The following TUSC3 variants were observed in gnomAD, a reference collection of about 807,000 sequenced individuals.
TUSC3 encodes tumor suppressor candidate 3.
TUSC3 carries 45 observed loss-of-function variants against 44.8 expected under a neutral mutation model. That is an observed-to-expected ratio of 1.00 (90% CI 0.79 to 1.29). The LOEUF (loss-of-function observed/expected upper bound fraction) is 1.29, where lower values mean the gene tolerates loss of function less well. TUSC3 is among the 50% of genes most tolerant of loss of function. TUSC3 has a pLI of 0.00. For synonymous variants in TUSC3, 212 were observed against 152.9 expected, an observed-to-expected ratio of 1.39 and a Z score of -2.85; for missense variants, 519 against 437.9, an observed-to-expected ratio of 1.19 and a Z score of -1.65.
intron 2 of TUSC3, among the ~76,000 whole-genome samples, chr8:15,633,424 T>C (rs189779207): frequency 1.3e-5 from 2 of 152,292 alleles, no homozygotes; most frequent in Admixed American, 1.3e-4. Flanking sequence ...GAATTGTTTC[T>C]TTCCAAAAAG....
In TUSC3 at chr8:15,504,577, G is replaced by GGATA. The variant is rs1447211404; in HGVS notation, n.189+21095_189+21098dup. On this transcript the variant is annotated intron_variant and non_coding_transcript_variant, in intron 2 of 5. Transcript: ENST00000503191. Reference sequence around the variant, plus strand: ...TTAATCCTATTAAAGGCAACTTTCAGGATATATATATATATATATATATAT... The same window carrying GGATA: ...TTAATCCTATTAAAGGCAACTTTCAGGATAGATATATATATATATATATATATAT... Among the ~76,000 whole-genome samples the GGATA allele has an allele frequency of 1.3e-3, 72 of 54,960 alleles. 1 individual carries two copies. Among genetic ancestry groups the GGATA allele is most frequent in the Middle Eastern group, 0.014 (1 of 70 alleles). 36.1% of individuals were successfully genotyped at this position (54,960 alleles called of 152,430 possible).
chr8:15,512,591 G>T (rs1407595482), intron 2 of TUSC3, among the ~76,000 whole-genome samples: 5 of 152,042 alleles, frequency 3.3e-5, no homozygotes, highest in Non-Finnish European at 5.9e-5. Context: ...TGGGCAACAT[G>T]GGAAAACCCC....
At position 15,673,827 on chromosome 8, in the gene TUSC3, T is replaced by C. The variant is rs769252753; in HGVS notation, c.789T>C (p.Asn263=). 3.7e-6 allele frequency: 6 copies of C among 1,611,908 alleles called. No homozygotes were observed. Among genetic ancestry groups the C allele is most frequent in the Non-Finnish European group, 2.5e-6 (3 of 1,178,412 alleles). Residue 263 remains asparagine (N), a synonymous_variant, in exon 6 of 11, where the codon AAT becomes AAC. Coordinates refer to ENST00000503731, the MANE Select transcript of TUSC3 (RefSeq NM_006765.4). ...GPPYAHKNPH[N]GQVSYIHGSS... ...CATATGCTCATAAGAACCCACACAA[T>C]GGACAAGTGGTAAGTGTAATTTATA...
rs150142482 is a variant in TUSC3, at chr8:15,615,605, A to G, written c.139-7475A>G. Among the ~76,000 whole-genome samples, 148 of 152,280 alleles carry G rather than the reference A, an allele frequency of 9.7e-4. 1 individual carries two copies. The highest frequency in any genetic ancestry group is 3.4e-3 in the African/African-American group (142 of 41,568). On this transcript the variant is annotated intron_variant, in intron 1 of 10. Transcript: ENST00000503731. Reference sequence around the variant, plus strand: ...AATATACTATATATTTTCCAAATCTAGAAGAGAGGATTTCAGATGTTCACA... The same window carrying G: ...AATATACTATATATTTTCCAAATCTGGAAGAGAGGATTTCAGATGTTCACA...
At chr8:15,423,040 T>A (rs879714933) in intron 1 of TUSC3, among the ~76,000 whole-genome samples, 2 of 152,188 alleles carry the variant, frequency 1.3e-5, no homozygotes, top group Non-Finnish European at 2.9e-5. Flanking sequence ...TTTCTTGACT[T>A]AGTAAATATA....
chr8:15,769,549 C>T (rs766250464), downstream of TUSC3, among the ~76,000 whole-genome samples: 12 of 152,158 alleles, frequency 7.9e-5, no homozygotes, highest in Non-Finnish European at 1.5e-4. Context: ...ACACCAAAAT[C>T]AATGGCAACA....
At chr8:15,837,105 T>C in the TUSC3 span, among the ~76,000 whole-genome samples, 4 of 152,312 alleles carry the variant, frequency 2.6e-5, no homozygotes, top group South Asian at 2.1e-4. Flanking sequence ...AAAGCTATTG[T>C]TCTACTGTCT....
At chr8:15,553,269 G>C (rs193300798) in intron 1 of TUSC3, among the ~76,000 whole-genome samples, 3 of 151,660 alleles carry the variant, frequency 2.0e-5, no homozygotes, top group African/African-American at 7.2e-5. Flanking sequence ...CATGGTGGTG[G>C]ATAAAAATCA....
chr8:15,646,139 T>C (rs766472), intron 2 of TUSC3, among the ~76,000 whole-genome samples: 29,358 of 152,056 alleles, frequency 0.19, 2,788 homozygotes, highest in South Asian at 0.27. Context: ...TCAGCAAGCA[T>C]TGTAAGTATA....
rs573745724 is a variant in TUSC3 at position 15,487,207 on chromosome 8, G to A, written n.189+3724G>A. Among the ~76,000 whole-genome samples the A allele has an allele frequency of 3.3e-5, 5 of 152,162 alleles. No individual in the cohort carries two copies. The East Asian group carries it at 5.8e-4, about 18-fold the overall frequency. Reference sequence around the variant, plus strand: ...TTTTTCTTCTTTCAATGATCTGACCGTATTTCTACTACTTTGAATTTTTTC... The same window carrying A: ...TTTTTCTTCTTTCAATGATCTGACCATATTTCTACTACTTTGAATTTTTTC... On this transcript the variant is annotated intron_variant and non_coding_transcript_variant, in intron 2 of 5. Coordinates refer to the TUSC3 transcript ENST00000503191.
At chr8:15,617,140 T>TGTGTGTGTGTGTGTTTA (rs1563136021) in intron 1 of TUSC3, among the ~76,000 whole-genome samples, 1 of 8,124 alleles carries the variant, frequency 1.2e-4, no homozygotes, top group African/African-American at 2.0e-4. Context: ...GTGTATATAT[T>TGTGTGTGTGTGTGTTTA]TTTTTTTTTT....
intron 1 of TUSC3, among the ~76,000 whole-genome samples, chr8:15,418,327 T>C (rs79432132): frequency 0.05 from 7,540 of 152,274 alleles, 230 homozygotes; most frequent in Middle Eastern, 0.11. Flanking sequence ...TTTTAAAATA[T>C]ATGTTTTCCC....
intron 1 of TUSC3, among the ~76,000 whole-genome samples, chr8:15,430,134 A>C (rs1378556237): frequency 6.7e-6 from 1 of 149,808 alleles, no homozygotes; most frequent in Admixed American, 6.6e-5. Flanking sequence ...TTATGAGGCC[A>C]GCATCATCCT....
intron 2 of TUSC3, among the ~76,000 whole-genome samples, chr8:15,649,944 C>G (rs573866985): frequency 4.5e-4 from 68 of 152,164 alleles, no homozygotes; most frequent in Non-Finnish European, 8.1e-4. Context: ...TAACTTGTTG[C>G]TTCTTATTTC....
chr8:15,598,096 G>T (rs1804143025), intron 1 of TUSC3, among the ~76,000 whole-genome samples: 2 of 151,910 alleles, frequency 1.3e-5, no homozygotes, highest in African/African-American at 4.8e-5. Context: ...GTTTCCAGTT[G>T]AGTAAATCTG....
intron 9 of TUSC3, among the ~76,000 whole-genome samples, chr8:15,750,625 A>T (rs1415044954): frequency 6.6e-6 from 1 of 152,044 alleles, no homozygotes; most frequent in Non-Finnish European, 1.5e-5. Flanking sequence ...CTGGACATAG[A>T]AACTACCCAG....
chr8:15,566,288 G>C (rs998128918), intron 1 of TUSC3, among the ~76,000 whole-genome samples: 7 of 152,114 alleles, frequency 4.6e-5, no homozygotes, highest in African/African-American at 1.7e-4. Flanking sequence ...CAGTTTTATT[G>C]TCAGTGTATG....
At chr8:15,746,105 G>A (rs1474222447) in intron 8 of TUSC3, among the ~76,000 whole-genome samples, 1 of 151,952 alleles carries the variant, frequency 6.6e-6, no homozygotes, top group Non-Finnish European at 1.5e-5. Flanking sequence ...TTTCTATTCT[G>A]TTCCATTGGT....
chr8:15,806,354 G>A, the TUSC3 span: 1 of 731,738 alleles, frequency 1.4e-6, no homozygotes, highest in Non-Finnish European at 2.6e-6. Context: ...CTTCTACTCT[G>A]CATTCCAGGT....
Sources: allele counts gnomAD v4.1 joint callset (sites outside exome capture counted in the v4.1 genomes callset), GRCh38; gene constraint gnomAD v4.1.1; transcripts MANE v1.5; gene names NCBI Gene and HGNC (gene_info 2026-07-23, HGNC 2026-07-21).